ZNF114: variants seen among roughly 807,000 people sequenced by gnomAD.
ZNF114 encodes zinc finger protein 114.
Under a neutral mutation model 6.8 loss-of-function variants are expected in ZNF114, and 8 were observed. That is an observed-to-expected ratio of 1.18 (90% CI 0.69 to 2.13). ZNF114 has a LOEUF of 2.13. ZNF114 is among the 30% of genes most tolerant of loss of function. The pLI is 0.00. For missense variants in ZNF114, 472 were observed against 519.5 expected (o/e 0.91, Z 0.89); for synonymous variants, 169 against 185.5 (o/e 0.91, Z 0.72).
At chr19:48,283,261 A>C (rs1968039528) in intron 5 of ZNF114, among the ~76,000 whole-genome samples, 1 of 152,272 alleles carries the variant, frequency 6.6e-6, no homozygotes, top group South Asian at 2.1e-4. Context: ...GCACAGGAAA[A>C]GGGTCGTTTT....
At chr19:48,274,233 C>T (rs191796761) in intron 3 of ZNF114, among the ~76,000 whole-genome samples, 183 of 150,604 alleles carry the variant, frequency 1.2e-3, no homozygotes, top group Non-Finnish European at 1.8e-3. Context: ...GTTTTGAGTC[C>T]GCAATTCATT....
Position 48,286,421 on chromosome 19 carries a change from A to G in ZNF114, c.797A>G (p.Gln266Arg). 6.2e-7 allele frequency: 1 copy of G among 1,614,236 alleles called. No homozygotes were observed. Among genetic ancestry groups the G allele is most frequent in the Non-Finnish European group, 8.5e-7 (1 of 1,180,052 alleles). The change falls in exon 6 of 6, where the codon CAG (glutamine) becomes CGG (arginine). Residue 266 changes from glutamine to arginine, a missense_variant. Coordinates refer to ENST00000595607, the MANE Select transcript of ZNF114 (RefSeq NM_153608.4). ...AGAAATAACTCAATTCACGCCATGC[A>G]GATGCAGTTGTATACCGCAGAGACA... ...TSRNNSIHAM[Q>R]MQLYTAETNK...
chr19:48,271,603 C>G (rs901376696), intron 2 of ZNF114, 124 bp from the exon 3 acceptor site: 7 of 152,632 alleles, frequency 4.6e-5, no homozygotes, highest in African/African-American at 1.4e-4. Context: ...CTCTCCTCCC[C>G]CTGGTCCCTT....
At chr19:48,275,304 G>A (rs2147284160) in intron 3 of ZNF114, among the ~76,000 whole-genome samples, 1 of 150,960 alleles carries the variant, frequency 6.6e-6, no homozygotes, top group African/African-American at 2.4e-5. Flanking sequence ...ATCCTAGGTT[G>A]GTCAGGCTTC....
rs537920631 is a variant in ZNF114 at position 48,287,558 on chromosome 19, C to G, written c.*680C>G. 1.3e-5 allele frequency: 2 copies of G among 151,826 alleles called. No homozygotes were observed. The highest frequency in any genetic ancestry group is 4.8e-5 in the African/African-American group (2 of 41,386). 9.4% of individuals were successfully genotyped at this position (151,826 alleles called of 1,614,324 possible). A position where few individuals can be genotyped will look rare whatever the true frequency, so the allele number is the denominator to read the frequency against. ...CTTACCACTCATGTTGCATGTGAAT[C>G]CACATCCTGAAGGGAGGCTACAACT... On this transcript the variant is annotated 3_prime_UTR_variant, in exon 6 of 6. Transcript: ENST00000595607.
At chr19:48,272,528 A>T (rs955806724) in intron 3 of ZNF114, among the ~76,000 whole-genome samples, 24 of 146,004 alleles carry the variant, frequency 1.6e-4, no homozygotes, top group African/African-American at 5.9e-4. Context: ...TGGGAGGTGG[A>T]GATTGCAGTG....
chr19:48,282,713 T>C (rs1351940506), intron 5 of ZNF114, among the ~76,000 whole-genome samples: 1 of 151,814 alleles, frequency 6.6e-6, no homozygotes. Context: ...TTATTTTATT[T>C]TATTTTATTT....
At chr19:48,273,901 G>A (rs1271959442) in intron 3 of ZNF114, among the ~76,000 whole-genome samples, 1 of 151,604 alleles carries the variant, frequency 6.6e-6, no homozygotes, top group Non-Finnish European at 1.5e-5. Flanking sequence ...GGGACTACAG[G>A]CGCCCGCCAC....
Position 48,286,812 on chromosome 19 carries a change from C to A in ZNF114, c.1188C>A (p.Asp396Glu), listed in dbSNP as rs762506323. ...KPYKCKTCGKDFAKSSGLKKH... is the reference protein window; with the variant it reads ...KPYKCKTCGKEFAKSSGLKKH... ...ATAAATGTAAGACATGTGGAAAAGACTTTGCAAAGTCGTCAGGACTTAAAA... is the reference window on the plus strand; with the variant it reads ...ATAAATGTAAGACATGTGGAAAAGAATTTGCAAAGTCGTCAGGACTTAAAA... The change falls in exon 6 of 6, where the codon GAC (aspartate) becomes GAA (glutamate). Residue 396 changes from aspartate (D) to glutamate (E), a missense_variant. Coordinates refer to ENST00000595607, the MANE Select transcript of ZNF114 (RefSeq NM_153608.4). 2 of 1,601,720 alleles carry A rather than the reference C, an allele frequency of 1.2e-6. No individual in the cohort carries two copies. Among genetic ancestry groups the A allele is most frequent in the South Asian group, 2.3e-5 (2 of 87,812 alleles).
Position 48,282,504 on chromosome 19 carries a change from AG to A in ZNF114, c.136+9del. On this transcript the variant is annotated splice_region_variant and intron_variant, in intron 5 of 5. Coordinates refer to ENST00000595607, the MANE Select transcript of ZNF114 (RefSeq NM_153608.4). ...AGGAACTTGGCATTCATAGGTAAGGAGGCCCCCTTCCTGCACTTAGTCCGTG... is the reference window on the plus strand; with the variant it reads ...AGGAACTTGGCATTCATAGGTAAGGAGCCCCCTTCCTGCACTTAGTCCGTG... The A allele has an allele frequency of 6.2e-7, 1 of 1,607,674 alleles. No homozygotes were observed. Among genetic ancestry groups the A allele is most frequent in the Non-Finnish European group, 8.5e-7 (1 of 1,175,304 alleles).
At chr19:48,276,807 A>T (rs1189558612) in intron 3 of ZNF114, among the ~76,000 whole-genome samples, 1 of 152,218 alleles carries the variant, frequency 6.6e-6, no homozygotes, top group African/African-American at 2.4e-5. Flanking sequence ...TATAGGTGTG[A>T]ACCACCCAGC....
chr19:48,282,409 C>A lies in ZNF114; in HGVS notation c.48C>A (p.Thr16=). The A allele has an allele frequency of 6.2e-7, 1 of 1,613,438 alleles. No homozygotes were observed. Among genetic ancestry groups the A allele is most frequent in the Non-Finnish European group, 8.5e-7 (1 of 1,179,694 alleles). The change falls in exon 5 of 6, where the codon ACC becomes ACA. Residue 16 remains threonine (T), a synonymous_variant. Transcript: ENST00000595607. ...TCGCAGACGTGGCTGTGAACTTCAC[C>A]AAAGAGGAGTGGACCCTGCTGGACC... ...VTFADVAVNF[T]KEEWTLLDPA...
At position 48,285,858 on chromosome 19, in the gene ZNF114, C is replaced by T. The variant is rs1968110115; in HGVS notation, c.234C>T (p.Ser78=). 1 of 1,614,120 alleles carries T rather than the reference C, an allele frequency of 6.2e-7. No individual in the cohort carries two copies. Among genetic ancestry groups the T allele is most frequent in the Non-Finnish European group, 8.5e-7 (1 of 1,180,052 alleles). ...FPEANRVCLT[S]ISSQHSTLRE... is the part of the protein sequence containing the mutation. ...AAGCCAACAGAGTGTGTCTCACGAG[C>T]ATCAGTTCCCAGCACTCCACATTAA... The change falls in exon 6 of 6, where the codon AGC becomes AGT. Residue 78 remains serine, a synonymous_variant. Transcript: ENST00000595607.
intron 4 of ZNF114, among the ~76,000 whole-genome samples, chr19:48,281,011 T>G (rs1967973261): frequency 2.0e-5 from 3 of 152,016 alleles, no homozygotes. Context: ...CAGGTGATGG[T>G]GTGTGCTGGC....
rs1021755206 is a variant in ZNF114 at position 48,285,115 on chromosome 19, G to A, written c.137-646G>A. On this transcript the variant is annotated intron_variant, in intron 5 of 5. Coordinates refer to ENST00000595607, the MANE Select transcript of ZNF114 (RefSeq NM_153608.4). ...CCGTCATCACATTCCTGACACTGCA[G>A]AATCTCTGATGTCTTTCTCTGCTTC... Among the ~76,000 whole-genome samples the A allele has an allele frequency of 7.2e-5, 11 of 152,194 alleles. No individual in the cohort carries two copies. The South Asian group carries it at 8.3e-4, about 11-fold the overall frequency.
At position 48,271,444 on chromosome 19, in the gene ZNF114, TG is replaced by T; in HGVS notation, c.-173del. The T allele has an allele frequency of 7.0e-6, 1 of 142,276 alleles. No individual in the cohort carries two copies. The highest frequency in any genetic ancestry group is 2.2e-4 in the South Asian group (1 of 4,642). The allele number at this position is 142,276 out of a possible 1,614,324, so 8.8% of individuals were successfully genotyped here. A position where few individuals can be genotyped will look rare whatever the true frequency, so the allele number is the denominator to read the frequency against. The stretch of plus-strand genomic sequence containing the variant: ...GTTTCCTGCTTGGATCAGGAGTGCC[TG>T]GGGAGTAAGTTCTACAGGAAATGTC... On this transcript the variant is annotated 5_prime_UTR_variant, in exon 2 of 6. Transcript: ENST00000595607.
rs1156469171 is a variant in ZNF114, at chr19:48,286,940, T to C, written c.*62T>C. On this transcript the variant is annotated 3_prime_UTR_variant, in exon 6 of 6. Transcript: ENST00000595607. ...GTACCAAACATGTGAGGAGGACATA[T>C]TGGAAGGGAGCTCAAGGGGTTAGCA... The C allele has an allele frequency of 5.3e-6, 8 of 1,501,796 alleles. No homozygotes were observed. The highest frequency in any genetic ancestry group is 2.8e-5 in the South Asian group (2 of 70,304). 93.0% of individuals were successfully genotyped at this position (1,501,796 alleles called of 1,614,324 possible). A position where few individuals can be genotyped will look rare whatever the true frequency, so the allele number is the denominator to read the frequency against.
chr19:48,277,208 C>T (rs1568991348), intron 3 of ZNF114, among the ~76,000 whole-genome samples: 1 of 151,702 alleles, frequency 6.6e-6, no homozygotes, highest in Admixed American at 6.6e-5. Flanking sequence ...ATTAGCTGGG[C>T]GTGGTGGCAG....
intron 3 of ZNF114, among the ~76,000 whole-genome samples, chr19:48,279,300 A>G (rs12984212): frequency 0.041 from 6,095 of 150,200 alleles, 229 homozygotes; most frequent in Middle Eastern, 0.14. Flanking sequence ...CAGGAGGCTG[A>G]GGCAGGAGGA....
Sources: allele counts gnomAD v4.1 joint callset (sites outside exome capture counted in the v4.1 genomes callset), GRCh38; gene constraint gnomAD v4.1.1; transcripts MANE v1.5; gene names NCBI Gene and HGNC (gene_info 2026-07-23, HGNC 2026-07-21).